RAI14: variants seen among roughly 807,000 people sequenced by gnomAD.
RAI14 encodes the protein ankycorbin.
Under a neutral mutation model 115.4 loss-of-function variants are expected in RAI14, and 45 were observed. The observed-to-expected ratio is 0.39, with a 90% CI of 0.31 to 0.50. The LOEUF (loss-of-function observed/expected upper bound fraction) is 0.50. RAI14 is among the 20% of genes least tolerant of loss of function. The pLI is 0.85. For missense variants in RAI14, 939 were observed against 1,131.2 expected, an observed-to-expected ratio of 0.83 and a Z score of 2.44; for synonymous variants, 371 against 415.4, an observed-to-expected ratio of 0.89 and a Z score of 1.30.
chr5:34,812,029 T>C, intron 9 of RAI14, 84 bp downstream of exon 9: 1 of 1,309,772 alleles, frequency 7.6e-7, no homozygotes, highest in Admixed American at 2.3e-5. Context: ...TGCAATATGA[T>C]ATATTTTATT....
intron 2 of RAI14, chr5:34,716,135 G>A (rs992295627): frequency 5.4e-5 from 23 of 424,194 alleles, no homozygotes; most frequent in Non-Finnish European, 9.6e-5. Flanking sequence ...AAAAGACAAG[G>A]CAAATAGGCA....
At chr5:34,719,596 T>G (rs2149989846) in intron 2 of RAI14, among the ~76,000 whole-genome samples, 1 of 152,310 alleles carries the variant, frequency 6.6e-6, no homozygotes, top group Non-Finnish European at 1.5e-5. Flanking sequence ...CTTCCCTGAG[T>G]TACCGTGGTT....
At chr5:34,723,539 A>C (rs772587310) in intron 2 of RAI14, among the ~76,000 whole-genome samples, 1 of 152,230 alleles carries the variant, frequency 6.6e-6, no homozygotes, top group Non-Finnish European at 1.5e-5. Context: ...TAAAAAGTAC[A>C]TTCACAGCAA....
chr5:34,718,358 G>C (rs1742248020), intron 2 of RAI14, among the ~76,000 whole-genome samples: 1 of 152,194 alleles, frequency 6.6e-6, no homozygotes, highest in Admixed American at 6.5e-5. Flanking sequence ...TGAGAAACCT[G>C]TTCTAACATA....
At chr5:34,782,498 G>A (rs1751786733) in intron 3 of RAI14, among the ~76,000 whole-genome samples, 1 of 152,120 alleles carries the variant, frequency 6.6e-6, no homozygotes, top group South Asian at 2.1e-4. Flanking sequence ...CCAGTTCCTG[G>A]CATTAAGTTC....
rs202006805 is a variant in RAI14 at position 34,692,274 on chromosome 5, AT to A, written c.36+5320del. ...CGAAACTCCGTCTGTTAAAAAAAAA[AT>A]AATAATAAAAGATAACAGCTCTCAT... On this transcript the variant is annotated intron_variant, in intron 2 of 17. Transcript: ENST00000265109. Among the ~76,000 whole-genome samples the A allele has an allele frequency of 2.0e-3, 290 of 147,290 alleles. 1 individual carries two copies. The highest frequency in any genetic ancestry group is 6.6e-3 in the African/African-American group (269 of 40,674).
intron 3 of RAI14, among the ~76,000 whole-genome samples, chr5:34,764,144 C>T (rs897126294): frequency 1.3e-5 from 2 of 152,192 alleles, no homozygotes; most frequent in African/African-American, 4.8e-5. Flanking sequence ...AGCCACTGCA[C>T]CCGGCAATCA....
At chr5:34,822,662 A>ATTTTT (rs1756988364) in intron 14 of RAI14, among the ~76,000 whole-genome samples, 1 of 74,974 alleles carries the variant, frequency 1.3e-5, no homozygotes, top group African/African-American at 4.5e-5. Context: ...CGCCTTTGGT[A>ATTTTT]TCTTTTTTTT....
intron 3 of RAI14, among the ~76,000 whole-genome samples, chr5:34,763,001 C>T (rs1748885552): frequency 6.6e-6 from 1 of 150,638 alleles, no homozygotes; most frequent in Non-Finnish European, 1.5e-5. Context: ...TTTTATGTTG[C>T]CCACTTTTCA....
intron 4 of RAI14, among the ~76,000 whole-genome samples, chr5:34,800,241 A>C (rs1368928117): frequency 6.6e-6 from 1 of 152,204 alleles, no homozygotes; most frequent in Non-Finnish European, 1.5e-5. Context: ...CTGTGGCCAG[A>C]GCAGTTGGGC....
chr5:34,698,576 G>A (rs1048225940), intron 2 of RAI14, among the ~76,000 whole-genome samples: 2 of 152,092 alleles, frequency 1.3e-5, no homozygotes, highest in Non-Finnish European at 2.9e-5. Flanking sequence ...TGAGTTAGGG[G>A]CTGAGCCATC....
intron 3 of RAI14, among the ~76,000 whole-genome samples, chr5:34,768,395 A>T (rs1009721222): frequency 3.3e-5 from 5 of 152,234 alleles, no homozygotes; most frequent in African/African-American, 1.2e-4. Context: ...AAACCGTGTC[A>T]TTCATTCAGC....
chr5:34,703,741 G>T (rs916698721), intron 2 of RAI14, among the ~76,000 whole-genome samples: 1 of 152,176 alleles, frequency 6.6e-6, no homozygotes, highest in Admixed American at 6.5e-5. Flanking sequence ...AGCTTTAGTT[G>T]CTTTATGGGA....
chr5:34,669,717 A>G (rs934326954), intron 1 of RAI14, among the ~76,000 whole-genome samples: 1 of 152,126 alleles, frequency 6.6e-6, no homozygotes, highest in Non-Finnish European at 1.5e-5. Flanking sequence ...TTTCTTTTTT[A>G]TAGGGTAGAG....
At chr5:34,766,491 G>T (rs947050924) in intron 3 of RAI14, among the ~76,000 whole-genome samples, 2 of 152,176 alleles carry the variant, frequency 1.3e-5, no homozygotes, top group African/African-American at 4.8e-5. Context: ...TTTCAGACTT[G>T]TGTGGGCCCT....
rs1190716202 is a variant in RAI14, at chr5:34,791,937, C to T, written c.168-4002C>T. Among the ~76,000 whole-genome samples the T allele has an allele frequency of 6.6e-6, 1 of 152,176 alleles. No individual in the cohort carries two copies. Among genetic ancestry groups the T allele is most frequent in the Non-Finnish European group, 1.5e-5 (1 of 68,030 alleles). ...CATCGTCATTCTCACTGGGCAAGCC[C>T]AACCAGGAGCCAAAGCACAGGGCAG... is the stretch of plus-strand genomic sequence containing the variant. On this transcript the variant is annotated intron_variant, in intron 3 of 17. Transcript: ENST00000265109. The surrounding 1 kb of genome is among the most constrained non-coding windows in gnomAD (Gnocchi z 5.4).
At chr5:34,738,059 T>C (rs1745080758) in intron 2 of RAI14, among the ~76,000 whole-genome samples, 1 of 152,148 alleles carries the variant, frequency 6.6e-6, no homozygotes, top group Non-Finnish European at 1.5e-5. Flanking sequence ...TCTGCTCATA[T>C]TTATAGAGGG....
At chr5:34,701,128 G>A (rs1227731250) in intron 2 of RAI14, among the ~76,000 whole-genome samples, 1 of 152,118 alleles carries the variant, frequency 6.6e-6, no homozygotes, top group East Asian at 1.9e-4. Context: ...TCCTATGTAG[G>A]GGGTCTGGGG....
At chr5:34,697,804 G>T (rs1240304533) in intron 2 of RAI14, among the ~76,000 whole-genome samples, 1 of 152,092 alleles carries the variant, frequency 6.6e-6, no homozygotes, top group African/African-American at 2.4e-5. Context: ...TCATTATATT[G>T]ATTAGTTTAA....
Sources: gnomAD v4.1 joint callset for allele counts (sites outside exome capture counted in the v4.1 genomes callset) on GRCh38, gnomAD v4.1.1 for gene constraint, Gnocchi (gnomAD v3.1) non-coding constraint, MANE v1.5 for transcripts, NCBI Gene and HGNC (gene_info 2026-07-23, HGNC 2026-07-21) for gene names.